IL1RAPL2: variants seen among roughly 807,000 people sequenced by gnomAD.
IL1RAPL2 encodes X-linked interleukin-1 receptor accessory protein-like 2.
IL1RAPL2 carries 3 observed loss-of-function variants against 44.1 expected under a neutral mutation model. That is an observed-to-expected ratio of 0.07 (90% CI 0.03 to 0.18). The LOEUF is 0.18. Among genes scored for constraint, IL1RAPL2 ranks in the 10% least tolerant of loss-of-function variants. The pLI is 1.00. For synonymous variants in IL1RAPL2, 181 were observed against 178.8 expected (o/e 1.01, Z -0.10); for missense variants, 391 against 496.4 (o/e 0.79, Z 2.02).
intron 6 of IL1RAPL2, among the ~76,000 whole-genome samples, chrX:105,714,448 G>T (rs186672711): frequency 8.9e-6 from 1 of 111,753 alleles, no homozygotes; most frequent in East Asian, 2.8e-4. Flanking sequence ...TTCTGTCTTA[G>T]TCCATTTTCT....
chrX:104,846,082 T>C (rs1224649113), intron 2 of IL1RAPL2, among the ~76,000 whole-genome samples: 5 of 111,899 alleles, frequency 4.5e-5, no homozygotes, highest in Non-Finnish European at 9.4e-5. Flanking sequence ...GCCGATATCA[T>C]TTTGTTAGGA....
chrX:104,816,420 C>T (rs140274857), intron 2 of IL1RAPL2, among the ~76,000 whole-genome samples: 6 of 112,159 alleles, frequency 5.3e-5, no homozygotes, highest in Admixed American at 9.5e-5. Context: ...GAGGAAGGCA[C>T]GCAGTGAGCC....
intron 2 of IL1RAPL2, among the ~76,000 whole-genome samples, chrX:104,858,477 C>A (rs924140123): frequency 1.8e-5 from 2 of 111,761 alleles, no homozygotes; most frequent in Non-Finnish European, 3.8e-5. Flanking sequence ...TAAAAACAAA[C>A]AAACTTGTAA....
intron 1 of IL1RAPL2, among the ~76,000 whole-genome samples, chrX:104,631,792 G>T (rs920370795): frequency 1.6e-4 from 18 of 110,783 alleles, no homozygotes; most frequent in Non-Finnish European, 2.6e-4. Flanking sequence ...TCTGTAGGTT[G>T]CCTGTTCACT....
At chrX:104,774,074 C>T (rs1231811517) in intron 2 of IL1RAPL2, among the ~76,000 whole-genome samples, 1 of 111,838 alleles carries the variant, frequency 8.9e-6, no homozygotes, top group Non-Finnish European at 1.9e-5. Flanking sequence ...TATTTTTTCT[C>T]TTTAAATGGT....
intron 2 of IL1RAPL2, among the ~76,000 whole-genome samples, chrX:104,905,625 G>A (rs1224961271): frequency 1.3e-4 from 15 of 111,392 alleles, no homozygotes; most frequent in African/African-American, 3.9e-4. Context: ...GATATGTGGT[G>A]TTATTTCTGA....
At position 105,469,064 on chromosome X, in the gene IL1RAPL2, T is replaced by G. The variant is rs145975755; in HGVS notation, c.698-15249T>G. Among the ~76,000 whole-genome samples, 225 of 111,746 alleles carry G rather than the reference T, an allele frequency of 2.0e-3. 2 individuals carry two copies. The highest frequency in any genetic ancestry group is 3.2e-3 in the Non-Finnish European group (170 of 53,055). On this transcript the variant is annotated intron_variant, in intron 5 of 10. Transcript: ENST00000372582. ...GGACTAGATTGCCAAAAATTCTAAT[T>G]TAGTCTTAGTCTGCATCACAGAAAG...
intron 6 of IL1RAPL2, among the ~76,000 whole-genome samples, chrX:105,581,066 C>T (rs1050628541): frequency 9.0e-6 from 1 of 110,803 alleles, no homozygotes; most frequent in South Asian, 3.8e-4. Flanking sequence ...CCTAGAAGCA[C>T]GGGCTTAACC....
At chrX:104,640,152 A>G (rs780861551) in intron 1 of IL1RAPL2, among the ~76,000 whole-genome samples, 1 of 111,668 alleles carries the variant, frequency 9.0e-6, no homozygotes, top group Non-Finnish European at 1.9e-5. Context: ...CCCATATGTC[A>G]TGTAGGCTGT....
intron 2 of IL1RAPL2, among the ~76,000 whole-genome samples, chrX:104,733,409 T>A (rs1299606505): frequency 3.6e-5 from 4 of 109,728 alleles, no homozygotes; most frequent in Non-Finnish European, 7.6e-5. Context: ...CTGGCCAACA[T>A]GGTGAAACCC....
Position 105,120,583 on chromosome X carries a change from C to T in IL1RAPL2, c.83-74892C>T, listed in dbSNP as rs1459180317. 1.8e-5 allele frequency among the ~76,000 whole-genome samples: 2 copies of T among 111,379 alleles called. 1 individual carries two copies. On this transcript the variant is annotated intron_variant, in intron 2 of 10. Coordinates refer to ENST00000372582, the MANE Select transcript of IL1RAPL2 (RefSeq NM_017416.2). ...TGGGAATCCAGTTAAATTACAGCTGCTGATATATTGTGGACTGAGGATCTA... is the reference window on the plus strand; with the variant it reads ...TGGGAATCCAGTTAAATTACAGCTGTTGATATATTGTGGACTGAGGATCTA...
chrX:105,036,457 A>C (rs1256610669), intron 2 of IL1RAPL2, among the ~76,000 whole-genome samples: 1 of 112,238 alleles, frequency 8.9e-6, no homozygotes, highest in East Asian at 2.8e-4. Flanking sequence ...CTTACAACAT[A>C]CACAGACACT....
rs1432448860 is a variant in IL1RAPL2, at chrX:105,685,642, A to G, written c.773-31725A>G. Reference sequence around the variant, plus strand: ...GAAAACACTCTTCAGGATATTATCCAGGAGAACTTCCCCAACCTAGCAAGG... The same window carrying G: ...GAAAACACTCTTCAGGATATTATCCGGGAGAACTTCCCCAACCTAGCAAGG... On this transcript the variant is annotated intron_variant, in intron 6 of 10. Transcript: ENST00000372582. Among the ~76,000 whole-genome samples the G allele has an allele frequency of 9.8e-5, 11 of 111,987 alleles. No homozygotes were observed. In the Admixed American group the frequency reaches 1.0e-3, roughly 11 times the overall value.
chrX:104,917,438 T>G (rs1204859847), intron 2 of IL1RAPL2, among the ~76,000 whole-genome samples: 2 of 111,879 alleles, frequency 1.8e-5, no homozygotes, highest in African/African-American at 3.3e-5. Flanking sequence ...TGGGTACAAA[T>G]GAAACTAGGA....
chrX:104,784,617 T>C (rs1466485216), intron 2 of IL1RAPL2, among the ~76,000 whole-genome samples: 1 of 110,781 alleles, frequency 9.0e-6, no homozygotes, highest in Admixed American at 9.7e-5. Context: ...TCTAGGATTA[T>C]CCACACATAA....
At position 105,740,615 on chromosome X, in the gene IL1RAPL2, T is replaced by C. The variant is rs1373394000; in HGVS notation, c.972T>C (p.Ala324=). The C allele has an allele frequency of 1.7e-6, 2 of 1,206,582 alleles. No homozygotes were observed. The highest frequency in any genetic ancestry group is 3.5e-5 in the African/African-American group (2 of 57,172). Reference sequence around the variant, plus strand: ...TCATCTTTGACTCAGTTGTGGAAGCTGACCTGGCGAATTATACCTGCCATG... The same window carrying C: ...TCATCTTTGACTCAGTTGTGGAAGCCGACCTGGCGAATTATACCTGCCATG... The part of the protein sequence containing the change: ...LALIFDSVVE[A]DLANYTCHVE... Residue 324 remains alanine (A), a synonymous_variant, in exon 8 of 11, where the codon GCT becomes GCC. Coordinates refer to ENST00000372582, the MANE Select transcript of IL1RAPL2 (RefSeq NM_017416.2).
intron 7 of IL1RAPL2, among the ~76,000 whole-genome samples, chrX:105,725,454 C>T (rs7053037): frequency 0.045 from 4,995 of 111,101 alleles, 289 homozygotes; most frequent in African/African-American, 0.15. Flanking sequence ...TTCTGGTCTT[C>T]GGTTTCATTC....
chrX:105,634,097 C>T (rs1008635165), intron 6 of IL1RAPL2, among the ~76,000 whole-genome samples: 7 of 111,101 alleles, frequency 6.3e-5, no homozygotes, highest in South Asian at 3.8e-4. Flanking sequence ...GTTGAGAGTG[C>T]GTCTTCTACT....
chrX:105,611,823 T>G (rs1332193566), intron 6 of IL1RAPL2, among the ~76,000 whole-genome samples: 1 of 112,396 alleles, frequency 8.9e-6, no homozygotes, highest in East Asian at 2.8e-4. Flanking sequence ...GCATAAAGTC[T>G]GAACTTTATC....
Sources: gnomAD v4.1 joint callset for allele counts (sites outside exome capture counted in the v4.1 genomes callset) on GRCh38, gnomAD v4.1.1 for gene constraint, MANE v1.5 for transcripts, NCBI Gene and HGNC (gene_info 2026-07-23, HGNC 2026-07-21) for gene names.